Variants in PTPN4 observed in about 807,000 individuals in gnomAD.
PTPN4 encodes the protein tyrosine-protein phosphatase non-receptor type 4.
In PTPN4, 49 loss-of-function variants were observed where a neutral mutation model predicts 135.5. That is an observed-to-expected ratio of 0.36 (90% CI 0.29 to 0.46). The LOEUF is 0.46. Among genes scored for constraint, PTPN4 ranks in the 20% least tolerant of loss-of-function variants. The pLI is 1.00. For missense variants in PTPN4, 860 were observed against 1,101.0 expected, an observed-to-expected ratio of 0.78 and a Z score of 3.10; for synonymous variants, 333 against 369.9, an observed-to-expected ratio of 0.90 and a Z score of 1.14.
chr2:119,874,974 T>A (rs570000015), intron 3 of PTPN4, among the ~76,000 whole-genome samples: 1 of 152,284 alleles, frequency 6.6e-6, no homozygotes, highest in Admixed American at 6.5e-5. Flanking sequence ...TGAAAAATAA[T>A]AACCCAATGT....
In PTPN4 at chr2:119,809,736, C is replaced by G. The variant is rs1188374097; in HGVS notation, c.-17-101C>G. On this transcript the variant is annotated intron_variant, in intron 1 of 26. Coordinates refer to ENST00000263708, the MANE Select transcript of PTPN4 (RefSeq NM_002830.4). The stretch of plus-strand genomic sequence containing the variant: ...TTTCAAAATTTATAACTGTTTTCCA[C>G]CTAAGTTTTAATTGAGAAATATATA... 8.7e-6 allele frequency: 9 copies of G among 1,032,284 alleles called. No individual in the cohort carries two copies. In the East Asian group the frequency reaches 1.9e-4, roughly 21 times the overall value. 63.9% of individuals were successfully genotyped at this position (1,032,284 alleles called of 1,614,324 possible).
chr2:119,763,293 A>G (rs537189005), intron 1 of PTPN4, among the ~76,000 whole-genome samples: 1 of 152,216 alleles, frequency 6.6e-6, no homozygotes, highest in Admixed American at 6.5e-5. Context: ...TACATCGTAT[A>G]GACTATCATG....
intron 2 of PTPN4, among the ~76,000 whole-genome samples, chr2:119,829,757 T>C (rs1574356648): frequency 6.6e-6 from 1 of 152,230 alleles, no homozygotes; most frequent in Non-Finnish European, 1.5e-5. Context: ...CTTTTACTTA[T>C]GTGATTAATG....
intron 11 of PTPN4, chr2:119,916,773 C>T (rs754011761): frequency 7.9e-5 from 12 of 152,174 alleles, no homozygotes; most frequent in Non-Finnish European, 8.8e-5. Context: ...CAGTTGTTGT[C>T]TTTACTGTCT....
At chr2:119,962,535 TAAAA>T (rs982432205) in intron 23 of PTPN4, 77 bp from the exon 24 acceptor site, 2 of 869,948 alleles carry the variant, frequency 2.3e-6, no homozygotes, top group Non-Finnish European at 3.1e-6. Context: ...TGAAATTTAT[TAAAA>T]AAACATTTTT....
chr2:119,889,075 G>A (rs1158717308), intron 9 of PTPN4, among the ~76,000 whole-genome samples: 1 of 152,046 alleles, frequency 6.6e-6, no homozygotes, highest in East Asian at 1.9e-4. Context: ...ATGTTTCCAG[G>A]AATTCATTTC....
intron 15 of PTPN4, among the ~76,000 whole-genome samples, chr2:119,935,764 T>A (rs1459458486): frequency 6.6e-6 from 1 of 152,188 alleles, no homozygotes; most frequent in Non-Finnish European, 1.5e-5. Flanking sequence ...TAATTATATA[T>A]GTTCTAATTT....
intron 1 of PTPN4, among the ~76,000 whole-genome samples, chr2:119,802,602 T>C (rs1358308217): frequency 6.6e-6 from 1 of 152,220 alleles, no homozygotes; most frequent in Non-Finnish European, 1.5e-5. Flanking sequence ...TTTTTACATA[T>C]TGCTGAATTC....
Position 119,777,221 on chromosome 2 carries a change from A to T in PTPN4, c.-18+16837A>T, listed in dbSNP as rs1383631617. On this transcript the variant is annotated intron_variant, in intron 1 of 26. Transcript: ENST00000263708. ...ATGTTTGTTCTTCCTTCTGCCTTGA[A>T]CACCCACCTTTCTCCCAAGTGTTCC... is the stretch of plus-strand genomic sequence containing the variant. 2.0e-5 allele frequency among the ~76,000 whole-genome samples: 3 copies of T among 152,164 alleles called. No homozygotes were observed. In the East Asian group the frequency reaches 5.8e-4, roughly 29 times the overall value.
intron 24 of PTPN4, among the ~76,000 whole-genome samples, chr2:119,964,011 C>T (rs151104102): frequency 1.3e-5 from 2 of 152,288 alleles, no homozygotes; most frequent in East Asian, 3.9e-4. Flanking sequence ...AATGAGTTCG[C>T]TCCCATAAAT....
In PTPN4 at chr2:119,763,185, C is replaced by G. The variant is rs201976266; in HGVS notation, c.-18+2801C>G. On this transcript the variant is annotated intron_variant, in intron 1 of 26. Coordinates refer to ENST00000263708, the MANE Select transcript of PTPN4 (RefSeq NM_002830.4). ...GACTCTTTCATTTCATTAGAGATATCTTCCCTCACATTCATTCTTCATTTC... is the reference window on the plus strand; with the variant it reads ...GACTCTTTCATTTCATTAGAGATATGTTCCCTCACATTCATTCTTCATTTC... Among the ~76,000 whole-genome samples the G allele has an allele frequency of 2.0e-5, 3 of 152,234 alleles. No individual in the cohort carries two copies. In the South Asian group the frequency reaches 6.2e-4, roughly 32 times the overall value.
intron 26 of PTPN4, 52 bp downstream of exon 26, chr2:119,968,024 G>C (rs758504113): frequency 2.3e-6 from 3 of 1,289,452 alleles, no homozygotes; most frequent in Non-Finnish European, 3.1e-6. Flanking sequence ...GATGATTTTT[G>C]TTGCCAATGC....
rs1691546455 is a variant in PTPN4, at chr2:119,809,878, G to T, written c.25G>T (p.Ala9Ser). The change falls in exon 2 of 27, where the codon GCT becomes TCT. Residue 9 changes from alanine (A) to serine (S), a missense_variant. This residue lies in a region of PTPN4 where 684 missense variants were observed against 807.0 expected (regional missense o/e 0.85). Coordinates refer to ENST00000263708, the MANE Select transcript of PTPN4 (RefSeq NM_002830.4). ...AATGACCTCACGTTTCCGATTGCCT[G>T]CTGGCAGAACCTACAATGTACGAGC... MTSRFRLPAGRTYNVRASE... is the reference protein window; with the variant it reads MTSRFRLPSGRTYNVRASE... The T allele has an allele frequency of 6.2e-7, 1 of 1,610,888 alleles. No individual in the cohort carries two copies. Among genetic ancestry groups the T allele is most frequent in the Non-Finnish European group, 8.5e-7 (1 of 1,179,162 alleles).
intron 13 of PTPN4, among the ~76,000 whole-genome samples, chr2:119,927,514 C>T (rs3106247): frequency 0.38 from 57,852 of 151,888 alleles, 12,977 homozygotes; most frequent in African/African-American, 0.63. Flanking sequence ...AGGAAAGCCT[C>T]GGTACCCAGA....
In PTPN4 at chr2:119,973,799, A is replaced by T. The variant is rs1022864776; in HGVS notation, c.2695-3185A>T. Among the ~76,000 whole-genome samples the T allele has an allele frequency of 2.0e-5, 3 of 150,668 alleles. No individual in the cohort carries two copies. The South Asian group carries it at 6.3e-4, about 31-fold the overall frequency. On this transcript the variant is annotated intron_variant, in intron 26 of 26. Transcript: ENST00000263708. ...TGTGTTTCCTAAAAGTGGTACATGT[A>T]TGGCTTGAGCATCTTAGGTCATATA...
At position 119,979,509 on chromosome 2, in the gene PTPN4, A is replaced by G. The variant is rs1679662293; in HGVS notation, c.*2439A>G. 6.6e-6 allele frequency: 1 copy of G among 152,162 alleles called. No homozygotes were observed. Among genetic ancestry groups the G allele is most frequent in the Middle Eastern group, 3.4e-3 (1 of 294 alleles). 9.4% of individuals were successfully genotyped at this position (152,162 alleles called of 1,614,324 possible). A position where few individuals can be genotyped will look rare whatever the true frequency, so the allele number is the denominator to read the frequency against. Reference sequence around the variant, plus strand: ...TGTGCAGAAAAGATCCTTTTTGAAAACCATATTTATTGGGATCTTATTTAA... The same window carrying G: ...TGTGCAGAAAAGATCCTTTTTGAAAGCCATATTTATTGGGATCTTATTTAA... On this transcript the variant is annotated 3_prime_UTR_variant, in exon 27 of 27. Transcript: ENST00000263708.
At chr2:119,891,908 A>G (rs112943875) in intron 9 of PTPN4, among the ~76,000 whole-genome samples, 2 of 152,190 alleles carry the variant, frequency 1.3e-5, no homozygotes, top group Admixed American at 6.5e-5. Context: ...GCTGCTGCTT[A>G]TATTTGAATT....
intron 2 of PTPN4, among the ~76,000 whole-genome samples, chr2:119,824,381 G>C (rs560180628): frequency 6.6e-6 from 1 of 152,278 alleles, no homozygotes; most frequent in African/African-American, 2.4e-5. Context: ...GAGACATTCT[G>C]TGTTGCTCAG....
At chr2:119,903,828 G>T (rs1027826885) in intron 10 of PTPN4, among the ~76,000 whole-genome samples, 1 of 152,076 alleles carries the variant, frequency 6.6e-6, no homozygotes, top group Non-Finnish European at 1.5e-5. Context: ...AGCCTACCTG[G>T]CATTTCCATC....
Sources: gnomAD v4.1 joint callset for allele counts (sites outside exome capture counted in the v4.1 genomes callset) on GRCh38, gnomAD v4.1.1 for gene constraint, gnomAD v4.1.1 regional missense constraint, MANE v1.5 for transcripts, NCBI Gene and HGNC (gene_info 2026-07-23, HGNC 2026-07-21) for gene names.